The following TACC2 variants were observed in gnomAD, a reference collection of about 807,000 sequenced individuals.
TACC2 encodes transforming acidic coiled-coil containing protein 2.
Under a neutral mutation model 227.3 loss-of-function variants are expected in TACC2, and 137 were observed. The observed-to-expected ratio is 0.60, with a 90% CI of 0.52 to 0.69. TACC2 has a LOEUF of 0.69. Among genes scored for constraint, TACC2 ranks in the 30% least tolerant of loss-of-function variants. TACC2 has a pLI of 0.00. For missense variants in TACC2, 3,470 were observed against 3,694.4 expected, an observed-to-expected ratio of 0.94 and a Z score of 1.57; for synonymous variants, 1,523 against 1,487.5, an observed-to-expected ratio of 1.02 and a Z score of -0.55.
chr10:122,237,895 A>G (rs1742778463), intron 17 of TACC2, 66 bp from the exon 18 acceptor site: 16 of 1,188,650 alleles, frequency 1.3e-5, no homozygotes, highest in Non-Finnish European at 1.8e-5. Flanking sequence ...TTCTTGATCT[A>G]TGAATTGCTC....
intron 6 of TACC2, among the ~76,000 whole-genome samples, chr10:122,136,154 C>G (rs185568028): frequency 6.9e-6 from 1 of 145,010 alleles, no homozygotes; most frequent in Non-Finnish European, 1.5e-5. Context: ...AGGAAGCTAC[C>G]CCTATGTTTC....
rs1419438243 is a variant in TACC2 at position 122,087,108 on chromosome 10, AGCCTGGCCAGGCCTGGAAG to A, written c.4612_4630del (p.Trp1538ArgfsTer13). On this transcript the variant is annotated frameshift_variant, in exon 4 of 23. Transcript: ENST00000369005. LOFTEE classifies it high-confidence loss of function. ...ACGAGAGGCCAGAGGGGCCTGGGGCAGCCTGGCCAGGCCTGGAAGGCCAGGCTTACTCACAGCTGGAGAG... is the reference window on the plus strand; with the variant it reads ...ACGAGAGGCCAGAGGGGCCTGGGGCAGCCAGGCTTACTCACAGCTGGAGAG... 7 of 1,609,976 alleles carry A rather than the reference AGCCTGGCCAGGCCTGGAAG, an allele frequency of 4.3e-6. No homozygotes were observed. Among genetic ancestry groups the A allele is most frequent in the Non-Finnish European group, 4.2e-6 (5 of 1,178,616 alleles).
At chr10:122,023,049 A>G (rs1476145392) in intron 2 of TACC2, 1 of 82,158 alleles carries the variant, frequency 1.2e-5, no homozygotes, top group African/African-American at 5.9e-5. Context: ...TCTTCCCTAC[A>G]ATTTTTTTTT....
intron 3 of TACC2, among the ~76,000 whole-genome samples, chr10:122,063,153 G>A (rs1401674994): frequency 5.3e-5 from 8 of 152,328 alleles, no homozygotes; most frequent in African/African-American, 1.9e-4. Context: ...CTATAAACAG[G>A]GTCAGTTCTT....
chr10:122,154,950 G>C (rs1446893761), intron 7 of TACC2, among the ~76,000 whole-genome samples: 2 of 152,170 alleles, frequency 1.3e-5, no homozygotes, highest in African/African-American at 2.4e-5. Flanking sequence ...TCAGCGCCTG[G>C]TTTTTGCTGC....
At chr10:122,135,042 G>A (rs1005092581) in intron 6 of TACC2, among the ~76,000 whole-genome samples, 1 of 152,184 alleles carries the variant, frequency 6.6e-6, no homozygotes, top group Non-Finnish European at 1.5e-5. Context: ...AAATCCTCAT[G>A]CCAGCTGTAG....
chr10:122,188,675 C>T (rs189643236), intron 7 of TACC2, among the ~76,000 whole-genome samples: 110 of 152,322 alleles, frequency 7.2e-4, no homozygotes, highest in African/African-American at 2.5e-3. Context: ...CATGGGACTC[C>T]TCAATCTGCA....
rs575887343 is a variant in TACC2 at position 122,109,020 on chromosome 10, A to G, written c.5573+20429A>G. Reference sequence around the variant, plus strand: ...AGTGCTGGGATTACAGGCATGAGCCATGGCGCCTGGCCTACATTTTCTTTA... The same window carrying G: ...AGTGCTGGGATTACAGGCATGAGCCGTGGCGCCTGGCCTACATTTTCTTTA... On this transcript the variant is annotated intron_variant, in intron 5 of 22. Transcript: ENST00000369005. Among the ~76,000 whole-genome samples the G allele has an allele frequency of 1.7e-4, 26 of 152,346 alleles. No homozygotes were observed. The South Asian group carries it at 5.2e-3, about 30-fold the overall frequency.
At chr10:122,168,795 C>T (rs1220262465) in intron 7 of TACC2, among the ~76,000 whole-genome samples, 1 of 152,234 alleles carries the variant, frequency 6.6e-6, no homozygotes, top group African/African-American at 2.4e-5. Context: ...TGTCTACAGC[C>T]TGTTTCTGTG....
intron 19 of TACC2, 100 bp downstream of exon 19, chr10:122,242,101 G>T: frequency 9.1e-7 from 1 of 1,104,760 alleles, no homozygotes; most frequent in Non-Finnish European, 1.4e-6. Context: ...TTCTGGTAGA[G>T]CGTGAAGCCT....
intron 2 of TACC2, among the ~76,000 whole-genome samples, chr10:122,042,985 C>T (rs141899630): frequency 2.3e-4 from 35 of 152,260 alleles, no homozygotes; most frequent in African/African-American, 7.9e-4. Flanking sequence ...AGAGACTCTC[C>T]CTTTTATTTG....
At chr10:122,148,270 A>AT (rs2091646484) in intron 7 of TACC2, among the ~76,000 whole-genome samples, 1 of 151,776 alleles carries the variant, frequency 6.6e-6, no homozygotes, top group South Asian at 2.1e-4. Flanking sequence ...TGCCTGGCTA[A>AT]TTTTTGTATT....
chr10:122,231,970 C>G (rs1320577417), intron 16 of TACC2, among the ~76,000 whole-genome samples: 1 of 152,214 alleles, frequency 6.6e-6, no homozygotes, highest in East Asian at 1.9e-4. Context: ...GCTGCTCCAG[C>G]CCTGAGGGCC....
chr10:122,244,220 T>C (rs1424641716), intron 19 of TACC2, among the ~76,000 whole-genome samples: 1 of 152,124 alleles, frequency 6.6e-6, no homozygotes, highest in East Asian at 1.9e-4. Flanking sequence ...GGCCCTCTCT[T>C]CAAGAGCTGT....
intron 5 of TACC2, among the ~76,000 whole-genome samples, chr10:122,096,904 C>T (rs1248888599): frequency 6.6e-6 from 1 of 152,138 alleles, no homozygotes; most frequent in African/African-American, 2.4e-5. Context: ...ATTTTAGCAG[C>T]CTGATGACTC....
chr10:122,013,723 C>T (rs959874971), intron 1 of TACC2, among the ~76,000 whole-genome samples: 5 of 152,316 alleles, frequency 3.3e-5, no homozygotes, highest in East Asian at 3.9e-4. Flanking sequence ...TGGCAGAAAA[C>T]GCAGTTCTGA....
At chr10:122,117,758 T>C (rs147387593) in intron 5 of TACC2, among the ~76,000 whole-genome samples, 4 of 152,306 alleles carry the variant, frequency 2.6e-5, no homozygotes, top group African/African-American at 9.6e-5. Context: ...GCTAGCATTC[T>C]TGCACTGAAG....
chr10:122,242,653 C>CT (rs1381176615), intron 19 of TACC2, among the ~76,000 whole-genome samples: 9 of 151,314 alleles, frequency 5.9e-5, no homozygotes, highest in Admixed American at 5.3e-4. Context: ...CTTTTCTTTT[C>CT]TTTTTTTTTA....
In TACC2 at chr10:122,035,544, T is replaced by C. The variant is rs1354683019; in HGVS notation, c.33+13530T>C. On this transcript the variant is annotated intron_variant, in intron 2 of 22. Transcript: ENST00000369005. ...GAGGCGCTAACAGGCAAAAGACACA[T>C]CATAAAATTTCCAATGGTAACCATG... 4.6e-5 allele frequency among the ~76,000 whole-genome samples: 7 copies of C among 152,296 alleles called. No homozygotes were observed. The East Asian group carries it at 1.4e-3, about 29-fold the overall frequency.
Sources: gnomAD v4.1 joint callset for allele counts (sites outside exome capture counted in the v4.1 genomes callset) on GRCh38, gnomAD v4.1.1 for gene constraint, MANE v1.5 for transcripts, NCBI Gene and HGNC (gene_info 2026-07-23, HGNC 2026-07-21) for gene names.